Variants in TTC28 observed in about 807,000 individuals in gnomAD.
The protein encoded by TTC28 is tetratricopeptide repeat domain 28.
TTC28 carries 61 observed loss-of-function variants against 198.0 expected under a neutral mutation model. The ratio of observed to expected loss-of-function variants is 0.31; its 90% CI spans 0.25 to 0.38. The LOEUF (loss-of-function observed/expected upper bound fraction) is 0.38. TTC28 is among the 10% of genes least tolerant of loss of function. TTC28 has a pLI of 1.00. For missense variants in TTC28, 2,678 were observed against 3,164.0 expected, an observed-to-expected ratio of 0.85 and a Z score of 3.69; for synonymous variants, 1,171 against 1,297.8, an observed-to-expected ratio of 0.90 and a Z score of 2.10.
chr22:28,336,882 C>A (rs1238707784), intron 2 of TTC28, among the ~76,000 whole-genome samples: 3 of 152,056 alleles, frequency 2.0e-5, no homozygotes, highest in African/African-American at 7.2e-5. Flanking sequence ...CTTCTGCTAG[C>A]TTTTGAATGT....
At chr22:28,421,647 C>T (rs745829433) in intron 2 of TTC28, among the ~76,000 whole-genome samples, 2 of 152,078 alleles carry the variant, frequency 1.3e-5, no homozygotes, top group African/African-American at 2.4e-5. Flanking sequence ...ACTGCTGCTT[C>T]GGATCAAGAA....
intron 2 of TTC28, among the ~76,000 whole-genome samples, chr22:28,401,226 C>CGACGAT (rs1018085202): frequency 8.1e-5 from 12 of 149,018 alleles, no homozygotes; most frequent in Non-Finnish European, 1.8e-4. Context: ...ACGATGACGA[C>CGACGAT]GACGATGACG....
chr22:28,608,451 C>G (rs1017600333), intron 2 of TTC28, among the ~76,000 whole-genome samples: 1 of 152,224 alleles, frequency 6.6e-6, no homozygotes, highest in African/African-American at 2.4e-5. Context: ...TCAGTGGCAA[C>G]TGCTTAACAT....
At chr22:28,312,705 T>C (rs1229885466) in intron 2 of TTC28, among the ~76,000 whole-genome samples, 9 of 152,140 alleles carry the variant, frequency 5.9e-5, no homozygotes, top group Non-Finnish European at 1.3e-4. Flanking sequence ...AGGAAACATT[T>C]AAAGCAGTGT....
At chr22:28,017,536 TC>T (rs1309975767) in intron 13 of TTC28, among the ~76,000 whole-genome samples, 1 of 151,946 alleles carries the variant, frequency 6.6e-6, no homozygotes, top group Non-Finnish European at 1.5e-5. Flanking sequence ...AGGAGGTCAT[TC>T]CAACAGAGGA....
chr22:28,298,042 A>T (rs553346708), intron 3 of TTC28, among the ~76,000 whole-genome samples, 190 bp from the exon 4 acceptor site: 46 of 152,252 alleles, frequency 3.0e-4, no homozygotes, highest in African/African-American at 1.1e-3. Context: ...CCAGTCCAGT[A>T]ATTTCCTTCT....
At chr22:28,400,183 T>G (rs1453405831) in intron 2 of TTC28, among the ~76,000 whole-genome samples, 2 of 152,206 alleles carry the variant, frequency 1.3e-5, no homozygotes, top group African/African-American at 2.4e-5. Context: ...AATTCGGTTA[T>G]TCAAGATGGA....
intron 2 of TTC28, among the ~76,000 whole-genome samples, chr22:28,466,430 T>C (rs970168201): frequency 2.0e-5 from 3 of 152,166 alleles, no homozygotes; most frequent in African/African-American, 4.8e-5. Flanking sequence ...ATATTGCAGG[T>C]ACAGACAGCA....
At chr22:28,605,213 C>T (rs1203387432) in intron 2 of TTC28, among the ~76,000 whole-genome samples, 4 of 152,118 alleles carry the variant, frequency 2.6e-5, no homozygotes, top group Non-Finnish European at 5.9e-5. Context: ...CAAGGAGATG[C>T]TATGGACTGT....
chr22:28,214,563 A>C (rs902714646), intron 5 of TTC28, among the ~76,000 whole-genome samples: 3 of 152,252 alleles, frequency 2.0e-5, no homozygotes, highest in African/African-American at 7.2e-5. Context: ...AAAGAAATGC[A>C]AATCAAAACC....
At chr22:28,535,671 GA>G (rs2049251244) in intron 2 of TTC28, among the ~76,000 whole-genome samples, 1 of 152,078 alleles carries the variant, frequency 6.6e-6, no homozygotes, top group South Asian at 2.1e-4. Flanking sequence ...GGAGGTGACT[GA>G]ACCACGGGGA....
chr22:28,583,255 A>ATTCATT (rs1477574621), intron 2 of TTC28, among the ~76,000 whole-genome samples: 3 of 152,186 alleles, frequency 2.0e-5, no homozygotes, highest in African/African-American at 7.2e-5. Flanking sequence ...ATAATTTGTG[A>ATTCATT]TTCATTTTCA....
At chr22:28,109,856 A>C (rs1942436377) in intron 6 of TTC28, among the ~76,000 whole-genome samples, 1 of 152,234 alleles carries the variant, frequency 6.6e-6, no homozygotes, top group Non-Finnish European at 1.5e-5. Flanking sequence ...CAGAAGCCCC[A>C]AAAGTCAAAA....
intron 2 of TTC28, among the ~76,000 whole-genome samples, chr22:28,394,595 T>C (rs2146081004): frequency 6.6e-6 from 1 of 152,336 alleles, no homozygotes; most frequent in South Asian, 2.1e-4. Context: ...ACAACATCCG[T>C]ATGACTGTCA....
intron 5 of TTC28, among the ~76,000 whole-genome samples, chr22:28,181,707 C>G (rs1001756665): frequency 6.6e-5 from 10 of 152,106 alleles, no homozygotes; most frequent in Non-Finnish European, 1.3e-4. Flanking sequence ...TCCTTGACAC[C>G]TCCTCCAGGA....
intron 12 of TTC28, among the ~76,000 whole-genome samples, chr22:28,055,417 A>C (rs1569110397): frequency 6.6e-6 from 1 of 152,202 alleles, no homozygotes; most frequent in African/African-American, 2.4e-5. Context: ...TAAAAGTGCT[A>C]AAAGTGTTTG....
At chr22:28,211,498 C>T (rs1475708092) in intron 5 of TTC28, among the ~76,000 whole-genome samples, 2 of 152,070 alleles carry the variant, frequency 1.3e-5, no homozygotes, top group African/African-American at 4.8e-5. Context: ...TCTGATAAAA[C>T]AGACTTTAAA....
chr22:28,567,588 T>C (rs1278231627), intron 2 of TTC28, among the ~76,000 whole-genome samples: 1 of 145,388 alleles, frequency 6.9e-6, no homozygotes, highest in Non-Finnish European at 1.5e-5. Flanking sequence ...CCAAGCAAAA[T>C]TTGAAGGAAA....
chr22:28,337,764 A>G (rs1036354113), intron 2 of TTC28, among the ~76,000 whole-genome samples: 65 of 152,270 alleles, frequency 4.3e-4, no homozygotes, highest in African/African-American at 1.5e-3. Flanking sequence ...TCCTGAATAC[A>G]GCACACTGAT....
Sources: allele counts gnomAD v4.1 joint callset (sites outside exome capture counted in the v4.1 genomes callset), GRCh38; gene constraint gnomAD v4.1.1; transcripts MANE v1.5; gene names NCBI Gene and HGNC (gene_info 2026-07-23, HGNC 2026-07-21).